MRAP2: variants seen among roughly 807,000 people sequenced by gnomAD.
MRAP2 encodes the protein melanocortin 2 receptor accessory protein 2.
A neutral mutation model predicts 17.4 loss-of-function variants in MRAP2; 20 were observed. The observed-to-expected ratio is 1.15, with a 90% CI of 0.81 to 1.67. The LOEUF (loss-of-function observed/expected upper bound fraction) is 1.67, where lower values mean the gene tolerates loss of function less well. Among genes scored for constraint, MRAP2 ranks in the 40% most tolerant of loss-of-function variants. MRAP2 has a pLI of 0.00. For synonymous variants in MRAP2, 96 were observed against 88.4 expected, an observed-to-expected ratio of 1.09 and a Z score of -0.48; for missense variants, 238 against 240.0, an observed-to-expected ratio of 0.99 and a Z score of 0.05.
chr6:84,073,229 T>C (rs1278464221), intron 3 of MRAP2, among the ~76,000 whole-genome samples: 1 of 152,204 alleles, frequency 6.6e-6, no homozygotes, highest in African/African-American at 2.4e-5. Context: ...AATGGCCTGC[T>C]TGTGGACCCA....
chr6:84,063,345 T>G (rs967888248), intron 3 of MRAP2: 2 of 985,178 alleles, frequency 2.0e-6, no homozygotes, highest in South Asian at 4.7e-5. Context: ...TTAAAAACAG[T>G]GGAAAAGACA....
Position 84,083,973 on chromosome 6 carries a change from A to T in MRAP2, c.228-5118A>T, listed in dbSNP as rs78882893. On this transcript the variant is annotated intron_variant, in intron 3 of 3. Coordinates refer to ENST00000257776, the MANE Select transcript of MRAP2 (RefSeq NM_138409.4). ...TCAAATTATATTTCTGACAAATGGGACCTGTTCACATGGCTAATGTTTATT... is the reference window on the plus strand; with the variant it reads ...TCAAATTATATTTCTGACAAATGGGTCCTGTTCACATGGCTAATGTTTATT... Among the ~76,000 whole-genome samples, 1,003 of 152,248 alleles carry T rather than the reference A, an allele frequency of 6.6e-3. 14 individuals are homozygous for T. Among genetic ancestry groups the T allele is most frequent in the African/African-American group, 0.023 (944 of 41,546 alleles).
At chr6:84,132,190 A>G in the MRAP2 span, among the ~76,000 whole-genome samples, 1 of 152,222 alleles carries the variant, frequency 6.6e-6, no homozygotes, top group East Asian at 1.9e-4. Flanking sequence ...TCTGGCTTGT[A>G]GAGTTTCTGC....
chr6:84,133,585 T>C, the MRAP2 span, among the ~76,000 whole-genome samples: 1 of 152,134 alleles, frequency 6.6e-6, no homozygotes, highest in African/African-American at 2.4e-5. Context: ...TCCCCCAGCC[T>C]TGCTGCTGCC....
At chr6:84,040,715 G>C (rs1017043099) in intron 1 of MRAP2, among the ~76,000 whole-genome samples, 2 of 152,196 alleles carry the variant, frequency 1.3e-5, no homozygotes, top group African/African-American at 2.4e-5. Flanking sequence ...GTTTAGTAAA[G>C]AGACTGGTGA....
chr6:84,042,519 A>G lies in MRAP2; in HGVS notation c.-8+8636A>G, dbSNP rs531374507. ...TAATCCTCCAGGTCTTGTATTATTG[A>G]TGCTCCAGGAAGATGAACCAGGTAT... On this transcript the variant is annotated intron_variant, in intron 1 of 3. Coordinates refer to ENST00000257776, the MANE Select transcript of MRAP2 (RefSeq NM_138409.4). 1.5e-4 allele frequency among the ~76,000 whole-genome samples: 23 copies of G among 152,312 alleles called. 1 individual carries two copies. The South Asian group carries it at 4.6e-3, about 30-fold the overall frequency.
intron 3 of MRAP2, among the ~76,000 whole-genome samples, chr6:84,087,889 A>G (rs1036720980): frequency 2.0e-5 from 3 of 152,214 alleles, no homozygotes; most frequent in Non-Finnish European, 4.4e-5. Flanking sequence ...TCCTTCAGCT[A>G]GCTGGATTAC....
At chr6:84,076,096 C>A (rs2129172193) in intron 3 of MRAP2, among the ~76,000 whole-genome samples, 1 of 152,052 alleles carries the variant, frequency 6.6e-6, no homozygotes. Flanking sequence ...GGGTCTCACT[C>A]TGTCACCCAG....
chr6:84,073,285 C>G (rs2099496692), intron 3 of MRAP2, among the ~76,000 whole-genome samples: 1 of 152,190 alleles, frequency 6.6e-6, no homozygotes, highest in African/African-American at 2.4e-5. Flanking sequence ...CCCTGTATTT[C>G]ACTCGGCTCT....
chr6:84,035,059 C>G (rs2099485620), intron 1 of MRAP2, among the ~76,000 whole-genome samples: 1 of 152,078 alleles, frequency 6.6e-6, no homozygotes, highest in Non-Finnish European at 1.5e-5. Context: ...GAAGATCATC[C>G]AGTGTTTATG....
the MRAP2 span, among the ~76,000 whole-genome samples, chr6:84,122,857 A>G: frequency 6.6e-6 from 1 of 152,160 alleles, no homozygotes; most frequent in Admixed American, 6.6e-5. Flanking sequence ...AGACTCGTAG[A>G]CTTGACAAGT....
At chr6:84,047,848 A>G (rs1314023144) in intron 1 of MRAP2, among the ~76,000 whole-genome samples, 1 of 152,220 alleles carries the variant, frequency 6.6e-6, no homozygotes, top group Non-Finnish European at 1.5e-5. Flanking sequence ...TATTCTAGGT[A>G]CCCTCATATA....
chr6:84,126,422 G>A, the MRAP2 span: 3 of 1,602,072 alleles, frequency 1.9e-6, no homozygotes, highest in South Asian at 2.3e-5. Context: ...ATTTCCATCT[G>A]CTTAATTTTC....
At chr6:84,093,007 C>T (rs527351498), downstream of MRAP2, among the ~76,000 whole-genome samples, 108 of 152,268 alleles carry the variant, frequency 7.1e-4, no homozygotes, top group African/African-American at 2.5e-3. Flanking sequence ...ATTCTCTGGG[C>T]CTGAAGCTCC....
the MRAP2 span, among the ~76,000 whole-genome samples, chr6:84,105,138 T>C: frequency 2.6e-5 from 4 of 152,204 alleles, no homozygotes; most frequent in African/African-American, 4.8e-5. Flanking sequence ...TGTCTTCTTC[T>C]GAGTCCTCCA....
At chr6:84,081,099 A>G (rs1232061055) in intron 3 of MRAP2, among the ~76,000 whole-genome samples, 1 of 152,226 alleles carries the variant, frequency 6.6e-6, no homozygotes, top group Non-Finnish European at 1.5e-5. Context: ...GATGTTGACA[A>G]AGTCACCCAT....
chr6:84,086,248 T>C (rs1298396758), intron 3 of MRAP2, among the ~76,000 whole-genome samples: 3 of 152,124 alleles, frequency 2.0e-5, no homozygotes, highest in Non-Finnish European at 4.4e-5. Flanking sequence ...GATTACATGA[T>C]TGTTTGGAGA....
the MRAP2 span, among the ~76,000 whole-genome samples, chr6:84,135,306 A>C: frequency 6.6e-6 from 1 of 152,368 alleles, no homozygotes; most frequent in Non-Finnish European, 1.5e-5. Flanking sequence ...TTACTTTACT[A>C]AAGTAAAAAA....
chr6:84,113,254 T>C, the MRAP2 span, among the ~76,000 whole-genome samples: 2 of 152,222 alleles, frequency 1.3e-5, no homozygotes, highest in African/African-American at 4.8e-5. Flanking sequence ...CAGAACTTGC[T>C]TTATGAATCT....
Sources: allele counts gnomAD v4.1 joint callset (sites outside exome capture counted in the v4.1 genomes callset), GRCh38; gene constraint gnomAD v4.1.1; transcripts MANE v1.5; gene names NCBI Gene and HGNC (gene_info 2026-07-23, HGNC 2026-07-21).